The following NAT2 variants were observed in gnomAD, a reference collection of about 807,000 sequenced individuals.
NAT2 encodes arylamine N-acetyltransferase 2.
For missense variants in NAT2, 428 were observed against 339.1 expected (o/e 1.26, Z -2.06); for synonymous variants, 137 against 125.9 (o/e 1.09, Z -0.59).
chr8:18,393,532 G>A (rs1456461416), intron 1 of NAT2, among the ~76,000 whole-genome samples: 1 of 152,160 alleles, frequency 6.6e-6, no homozygotes, highest in African/African-American at 2.4e-5. Flanking sequence ...CTAGTCTATA[G>A]CTTTTTCTCT....
At chr8:18,387,302 C>T (rs1800520425), upstream of NAT2, 1 of 152,638 alleles carries the variant, frequency 6.6e-6, no homozygotes, top group Non-Finnish European at 1.5e-5. Flanking sequence ...GCCTCAAGCC[C>T]CTAGGGCAGG....
upstream of NAT2, among the ~76,000 whole-genome samples, chr8:18,388,092 T>A (rs1800534105): frequency 6.6e-6 from 1 of 152,210 alleles, no homozygotes; most frequent in African/African-American, 2.4e-5. Context: ...TCTCCAGTAT[T>A]CACAGTGAGA....
At chr8:18,398,444 G>C (rs775564373) in intron 1 of NAT2, among the ~76,000 whole-genome samples, 18 of 152,144 alleles carry the variant, frequency 1.2e-4, no homozygotes, top group Non-Finnish European at 2.4e-4. Flanking sequence ...CTGATTTCTA[G>C]GTTCTGCCTT....
chr8:18,399,710 A>C (rs1458218143), intron 1 of NAT2, among the ~76,000 whole-genome samples: 2 of 152,170 alleles, frequency 1.3e-5, no homozygotes, highest in Non-Finnish European at 2.9e-5. Context: ...ACCACAAACA[A>C]GTTGTTTACC....
rs1800772231 is a variant in NAT2, at chr8:18,400,510, T to C, written c.507T>C (p.Tyr169=). The stretch of plus-strand genomic sequence containing the variant: ...TGGACCAAATCAGGAGAGAGCAGTA[T>C]ATTACAAACAAAGAATTTCTTAATT... ...WYLDQIRREQ[Y]ITNKEFLNSH... is the part of the protein sequence containing the mutation. Residue 169 remains tyrosine (Y), a synonymous_variant, in exon 2 of 2, where the codon TAT becomes TAC. Coordinates refer to ENST00000286479, the MANE Select transcript of NAT2 (RefSeq NM_000015.3). The C allele has an allele frequency of 6.2e-7, 1 of 1,613,400 alleles. No individual in the cohort carries two copies. Among genetic ancestry groups the C allele is most frequent in the East Asian group, 2.2e-5 (1 of 44,856 alleles).
chr8:18,387,166 G>A (rs562729387), upstream of NAT2: 1 of 152,350 alleles, frequency 6.6e-6, no homozygotes, highest in Admixed American at 6.5e-5. Context: ...CCAGTGCAGG[G>A]AGCGCGGGGA....
chr8:18,400,494 T>C lies in NAT2; in HGVS notation c.491T>C (p.Ile164Thr), dbSNP rs139512288. Reference sequence around the variant, plus strand: ...AGAGGAATCTGGTACCTGGACCAAATCAGGAGAGAGCAGTATATTACAAAC... The same window carrying C: ...AGAGGAATCTGGTACCTGGACCAAACCAGGAGAGAGCAGTATATTACAAAC... ...EERGIWYLDQ[I>T]RREQYITNKE... is the part of the protein sequence containing the mutation. The change falls in exon 2 of 2, where the codon ATC becomes ACC. Residue 164 changes from isoleucine to threonine, a missense_variant. Ile to Thr is a moderately conservative substitution (Grantham distance 89). Coordinates refer to ENST00000286479, the MANE Select transcript of NAT2 (RefSeq NM_000015.3). 5.6e-6 allele frequency: 9 copies of C among 1,613,848 alleles called. No individual in the cohort carries two copies. The East Asian group carries it at 2.0e-4, about 36-fold the overall frequency.
At position 18,400,127 on chromosome 8, in the gene NAT2, A is replaced by T. The variant is rs886633825; in HGVS notation, c.124A>T (p.Met42Leu). 2 of 1,614,066 alleles carry T rather than the reference A, an allele frequency of 1.2e-6. No homozygotes were observed. Among genetic ancestry groups the T allele is most frequent in the African/African-American group, 2.7e-5 (2 of 75,022 alleles). Reference protein sequence around the residue: ...IRAVPFENLNMHCGQAMELGL... With the variant: ...IRAVPFENLNLHCGQAMELGL... ...GGCTGTTCCCTTTGAGAACCTTAAC[A>T]TGCATTGTGGGCAAGCCATGGAGTT... Residue 42 changes from methionine (M) to leucine (L), a missense_variant, in exon 2 of 2, where the codon ATG becomes TTG. By Grantham distance (15) the Met-to-Leu change is conservative (BLOSUM62 2). Coordinates refer to ENST00000286479, the MANE Select transcript of NAT2 (RefSeq NM_000015.3).
Position 18,400,353 on chromosome 8 carries a change from G to A in NAT2, c.350G>A (p.Arg117Lys). The change falls in exon 2 of 2, where the codon AGG becomes AAG. Residue 117 changes from arginine (R) to lysine (K), a missense_variant. Arg to Lys is a conservative substitution (Grantham distance 26). Transcript: ENST00000286479. ...HLLLQVTIDG[R>K]NYIVDAGSGS... ...CTCCTGCAGGTGACCATTGACGGCAGGAATTACATTGTCGATGCTGGGTCT... is the reference window on the plus strand; with the variant it reads ...CTCCTGCAGGTGACCATTGACGGCAAGAATTACATTGTCGATGCTGGGTCT... 1 of 1,612,808 alleles carries A rather than the reference G, an allele frequency of 6.2e-7. No individual in the cohort carries two copies. The highest frequency in any genetic ancestry group is 8.5e-7 in the Non-Finnish European group (1 of 1,179,536).
upstream of NAT2, among the ~76,000 whole-genome samples, chr8:18,388,468 C>T (rs1254195204): frequency 9.2e-6 from 1 of 108,504 alleles, no homozygotes; most frequent in Non-Finnish European, 1.7e-5. Context: ...GAAGTGAAAA[C>T]CAGAAGTTAT....
At chr8:18,393,299 A>G (rs1800620093) in intron 1 of NAT2, among the ~76,000 whole-genome samples, 1 of 152,058 alleles carries the variant, frequency 6.6e-6, no homozygotes, top group Non-Finnish European at 1.5e-5. Context: ...GAGCAAATTT[A>G]AATATATCAT....
At chr8:18,388,518 A>AAAG (rs1554493145), upstream of NAT2, among the ~76,000 whole-genome samples, 1 of 151,442 alleles carries the variant, frequency 6.6e-6, no homozygotes, top group Non-Finnish European at 1.5e-5. Flanking sequence ...AAAAAAAAAA[A>AAAG]AAAAAAAATT....
chr8:18,388,411 T>C (rs1346820424), upstream of NAT2, among the ~76,000 whole-genome samples: 2 of 150,484 alleles, frequency 1.3e-5, no homozygotes, highest in Admixed American at 6.7e-5. Context: ...TGTTTAGTTT[T>C]CTCATTGATG....
chr8:18,392,078 G>A lies in NAT2; in HGVS notation c.-7+733G>A, dbSNP rs116796727. Reference sequence around the variant, plus strand: ...AGAGCCAATGTATACCTTATGTGGGGGCCATAGGCTGTTGGCCCCCTAAAG... The same window carrying A: ...AGAGCCAATGTATACCTTATGTGGGAGCCATAGGCTGTTGGCCCCCTAAAG... On this transcript the variant is annotated intron_variant, in intron 1 of 1. Transcript: ENST00000286479. Among the ~76,000 whole-genome samples, 518 of 152,266 alleles carry A rather than the reference G, an allele frequency of 3.4e-3. 2 individuals carry two copies. The highest frequency in any genetic ancestry group is 0.012 in the African/African-American group (496 of 41,528).
In NAT2 at chr8:18,400,468, G is replaced by C. The variant is rs368704280; in HGVS notation, c.465G>C (p.Glu155Asp). 6.2e-7 allele frequency: 1 copy of C among 1,613,804 alleles called. No homozygotes were observed. Among genetic ancestry groups the C allele is most frequent in the Non-Finnish European group, 8.5e-7 (1 of 1,179,938 alleles). Residue 155 changes from glutamate to aspartate, a missense_variant, in exon 2 of 2, where the codon GAG becomes GAC. Glu to Asp is a conservative substitution (Grantham distance 45). Coordinates refer to ENST00000286479, the MANE Select transcript of NAT2 (RefSeq NM_000015.3). ...CTTGCATTTTCTGCTTGACAGAAGA[G>C]AGAGGAATCTGGTACCTGGACCAAA... Reference protein sequence around the residue: ...QVPCIFCLTEERGIWYLDQIR... With the variant: ...QVPCIFCLTEDRGIWYLDQIR...
chr8:18,400,353 G>T lies in NAT2; in HGVS notation c.350G>T (p.Arg117Met). 1 of 1,612,808 alleles carries T rather than the reference G, an allele frequency of 6.2e-7. No homozygotes were observed. Among genetic ancestry groups the T allele is most frequent in the East Asian group, 2.2e-5 (1 of 44,848 alleles). ...CTCCTGCAGGTGACCATTGACGGCA[G>T]GAATTACATTGTCGATGCTGGGTCT... is the stretch of plus-strand genomic sequence containing the variant. ...HLLLQVTIDG[R>M]NYIVDAGSGS... is the part of the protein sequence containing the mutation. The change falls in exon 2 of 2, where the codon AGG (arginine) becomes ATG (methionine). Residue 117 changes from arginine (R) to methionine (M), a missense_variant. Transcript: ENST00000286479.
At chr8:18,397,764 A>C (rs184799644) in intron 1 of NAT2, among the ~76,000 whole-genome samples, 29 of 152,240 alleles carry the variant, frequency 1.9e-4, no homozygotes, top group Admixed American at 1.7e-3. Context: ...CAGATATCTC[A>C]GAAGTTCAAC....
intron 1 of NAT2, among the ~76,000 whole-genome samples, chr8:18,393,847 A>C (rs1404980904): frequency 6.6e-6 from 1 of 152,224 alleles, no homozygotes; most frequent in Non-Finnish European, 1.5e-5. Flanking sequence ...AACTGAAAAA[A>C]CAATGGGCAA....
At chr8:18,388,805 G>T (rs1800548027), upstream of NAT2, among the ~76,000 whole-genome samples, 1 of 152,190 alleles carries the variant, frequency 6.6e-6, no homozygotes, top group South Asian at 2.1e-4. Flanking sequence ...TTGTTGCCCA[G>T]CCCATCTCTG....
Sources: allele counts gnomAD v4.1 joint callset (sites outside exome capture counted in the v4.1 genomes callset), GRCh38; gene constraint gnomAD v4.1.1; transcripts MANE v1.5; gene names NCBI Gene and HGNC (gene_info 2026-07-23, HGNC 2026-07-21).